Variants in NREP observed in about 807,000 individuals in gnomAD.
NREP encodes the protein neuronal regeneration-related protein.
Under a neutral mutation model 8.6 loss-of-function variants are expected in NREP, and 5 were observed. The ratio of observed to expected loss-of-function variants is 0.58; its 90% confidence interval spans 0.30 to 1.22. NREP has a LOEUF of 1.22. NREP is among the 50% of genes most tolerant of loss of function. NREP has a pLI of 0.07. For missense variants in NREP, 86 were observed against 82.5 expected (o/e 1.04, Z -0.17); for synonymous variants, 27 against 28.0 (o/e 0.96, Z 0.11).
chr5:111,970,378 G>T (rs563685001), intron 2 of NREP, among the ~76,000 whole-genome samples: 23 of 152,238 alleles, frequency 1.5e-4, no homozygotes, highest in African/African-American at 4.6e-4. Flanking sequence ...TTTGGTCAAC[G>T]TTCCTACAGG....
chr5:111,771,786 A>G (rs1751236994), intron 2 of NREP, among the ~76,000 whole-genome samples: 1 of 151,948 alleles, frequency 6.6e-6, no homozygotes, highest in African/African-American at 2.4e-5. Flanking sequence ...AAACAAAAAA[A>G]TCAATAGAAT....
intron 2 of NREP, among the ~76,000 whole-genome samples, chr5:111,886,687 T>A (rs1003176508): frequency 6.6e-6 from 1 of 150,468 alleles, no homozygotes; most frequent in African/African-American, 2.5e-5. Flanking sequence ...ATGGATGAAA[T>A]TGGAAATCAT....
chr5:111,882,679 C>T (rs928636976), intron 2 of NREP, among the ~76,000 whole-genome samples: 2 of 152,298 alleles, frequency 1.3e-5, no homozygotes, highest in African/African-American at 2.4e-5. Context: ...CAATATTCAA[C>T]ATTCTTAAAA....
intron 2 of NREP, among the ~76,000 whole-genome samples, chr5:111,737,017 G>A (rs1749185131): frequency 6.6e-6 from 1 of 152,154 alleles, no homozygotes; most frequent in African/African-American, 2.4e-5. Flanking sequence ...GGGTCTTAAA[G>A]AGAGCTCATT....
At chr5:111,894,481 A>C (rs1230618641) in intron 2 of NREP, among the ~76,000 whole-genome samples, 1 of 151,924 alleles carries the variant, frequency 6.6e-6, no homozygotes, top group Admixed American at 6.6e-5. Flanking sequence ...GTCCTACTGT[A>C]ACAAGATTTG....
chr5:111,824,547 CCAT>C (rs1321324003), intron 2 of NREP, among the ~76,000 whole-genome samples: 1 of 151,934 alleles, frequency 6.6e-6, no homozygotes, highest in East Asian at 1.9e-4. Flanking sequence ...TTTTGAAAGC[CCAT>C]GTTTTTTCAA....
At chr5:111,741,826 C>CACACAGACACACAG (rs58727765) in intron 2 of NREP, among the ~76,000 whole-genome samples, 4 of 141,138 alleles carry the variant, frequency 2.8e-5, no homozygotes, top group South Asian at 2.2e-4. Flanking sequence ...CACACACATA[C>CACACAGACACACAG]ACACACACAC....
intron 2 of NREP, among the ~76,000 whole-genome samples, chr5:111,804,905 G>A (rs1389536882): frequency 1.3e-5 from 2 of 152,178 alleles, no homozygotes; most frequent in African/African-American, 2.4e-5. Context: ...GGAGGCTGAG[G>A]CAGGAGGATG....
chr5:111,962,007 A>G (rs970120113), intron 2 of NREP, among the ~76,000 whole-genome samples: 7 of 152,194 alleles, frequency 4.6e-5, no homozygotes, highest in Non-Finnish European at 8.8e-5. Context: ...CTTTCTTTCA[A>G]TTCAGGCTCC....
intron 2 of NREP, among the ~76,000 whole-genome samples, chr5:111,955,941 A>C (rs1756304206): frequency 1.3e-5 from 2 of 151,854 alleles, no homozygotes; most frequent in South Asian, 4.1e-4. Context: ...CTGTTTAAGA[A>C]CAGGACCTGG....
intron 2 of NREP, among the ~76,000 whole-genome samples, chr5:111,881,205 C>G (rs1754056299): frequency 6.6e-6 from 1 of 152,218 alleles, no homozygotes; most frequent in Non-Finnish European, 1.5e-5. Flanking sequence ...GTCCTACACC[C>G]ACGGAGTCTC....
chr5:111,816,357 T>C (rs1183962762), intron 2 of NREP, among the ~76,000 whole-genome samples: 1 of 152,062 alleles, frequency 6.6e-6, no homozygotes, highest in African/African-American at 2.4e-5. Context: ...AGAAGGTAAA[T>C]ATAAATGAAT....
rs1400455036 is a variant in NREP, at chr5:111,730,869, T to C, written c.*52A>G. 1.9e-6 allele frequency: 3 copies of C among 1,595,834 alleles called. No homozygotes were observed. The highest frequency in any genetic ancestry group is 2.7e-5 in the African/African-American group (2 of 74,564). On this transcript the variant is annotated 3_prime_UTR_variant, in exon 4 of 4. Coordinates refer to ENST00000257435, the MANE Select transcript of NREP (RefSeq NM_004772.4). The stretch of plus-strand genomic sequence containing the variant: ...GAAAAAAATCCCATATATGATACCA[T>C]GACCTCATCAATACCCATACACCAT...
chr5:111,817,545 C>G (rs1752411394), intron 2 of NREP, among the ~76,000 whole-genome samples: 1 of 152,010 alleles, frequency 6.6e-6, no homozygotes, highest in African/African-American at 2.4e-5. Context: ...GTGGCTCACA[C>G]CTGTAATCCC....
chr5:111,775,567 A>G (rs1751338565), intron 2 of NREP, among the ~76,000 whole-genome samples: 1 of 152,144 alleles, frequency 6.6e-6, no homozygotes, highest in Non-Finnish European at 1.5e-5. Context: ...ATTCTCGGGA[A>G]TATGCATTAG....
At chr5:111,813,039 T>C (rs1220920207) in intron 2 of NREP, among the ~76,000 whole-genome samples, 2 of 152,186 alleles carry the variant, frequency 1.3e-5, no homozygotes, top group Non-Finnish European at 2.9e-5. Flanking sequence ...CTGGATTTTA[T>C]CTTATAGGTA....
intron 2 of NREP, among the ~76,000 whole-genome samples, chr5:111,878,740 C>A (rs1581184341): frequency 6.6e-6 from 1 of 152,112 alleles, no homozygotes; most frequent in South Asian, 2.1e-4. Flanking sequence ...GGCCTGTCCC[C>A]CACCCCCCTG....
intron 2 of NREP, among the ~76,000 whole-genome samples, chr5:111,764,512 C>A (rs1041737231): frequency 6.6e-6 from 1 of 152,120 alleles, no homozygotes; most frequent in Non-Finnish European, 1.5e-5. Context: ...CTTTATAAAA[C>A]CATTAGATCT....
At chr5:111,764,320 T>C (rs909890702) in intron 2 of NREP, among the ~76,000 whole-genome samples, 1 of 152,188 alleles carries the variant, frequency 6.6e-6, no homozygotes, top group African/African-American at 2.4e-5. Flanking sequence ...TTATTCTGTT[T>C]TCATGTTGCT....
Sources: gnomAD v4.1 joint callset for allele counts (sites outside exome capture counted in the v4.1 genomes callset) on GRCh38, gnomAD v4.1.1 for gene constraint, MANE v1.5 for transcripts, NCBI Gene and HGNC (gene_info 2026-07-23, HGNC 2026-07-21) for gene names.